SEMA3E: variants seen among roughly 807,000 people sequenced by gnomAD.
The protein encoded by SEMA3E is semaphorin 3E, also known as semaphorin-3E.
In SEMA3E, 49 loss-of-function variants were observed where a neutral mutation model predicts 93.6. The ratio of observed to expected loss-of-function variants is 0.52; its 90% CI spans 0.42 to 0.66. The LOEUF (loss-of-function observed/expected upper bound fraction) is 0.66. SEMA3E is among the 30% of genes least tolerant of loss of function. SEMA3E has a pLI of 0.00. For synonymous variants in SEMA3E, 363 were observed against 330.7 expected (o/e 1.10, Z -1.06); for missense variants, 906 against 964.8 (o/e 0.94, Z 0.81).
At chr7:83,452,149 CTGTG>C (rs993112369) in intron 4 of SEMA3E, among the ~76,000 whole-genome samples, 13 of 145,292 alleles carry the variant, frequency 8.9e-5, no homozygotes, top group African/African-American at 3.0e-4. Flanking sequence ...GTGTGTGTGT[CTGTG>C]TGTGTGTGTA....
chr7:83,392,676 A>G lies in SEMA3E; in HGVS notation c.1546T>C (p.Phe516Leu), dbSNP rs533031128. ...CTTCCATACATGTCACAGTGATGGA[A>G]TCTGACTTGAGCCACAGCAGAAGCA... is the stretch of plus-strand genomic sequence containing the variant. ...GSASAVAQVR[F>L]HHCDMYGSAC... Residue 516 changes from phenylalanine (F) to leucine (L), a missense_variant, in exon 14 of 17, where the codon TTC (phenylalanine) becomes CTC (leucine). Transcript: ENST00000643230. The G allele has an allele frequency of 6.2e-7, 1 of 1,613,908 alleles. No individual in the cohort carries two copies. Among genetic ancestry groups the G allele is most frequent in the Admixed American group, 1.7e-5 (1 of 59,980 alleles).
chr7:83,581,255 T>C (rs1382634234), intron 1 of SEMA3E, among the ~76,000 whole-genome samples: 1 of 152,036 alleles, frequency 6.6e-6, no homozygotes, highest in African/African-American at 2.4e-5. Context: ...CCTTTGTGTA[T>C]CATTCCATCA....
At chr7:83,424,142 C>A (rs1213349144) in intron 4 of SEMA3E, among the ~76,000 whole-genome samples, 1 of 151,884 alleles carries the variant, frequency 6.6e-6, no homozygotes, top group African/African-American at 2.4e-5. Context: ...GTTAATAATG[C>A]CCCAGGAGTC....
chr7:83,563,049 A>T (rs1165265205), intron 1 of SEMA3E, among the ~76,000 whole-genome samples: 1 of 152,092 alleles, frequency 6.6e-6, no homozygotes, highest in Non-Finnish European at 1.5e-5. Flanking sequence ...CATTCACTTC[A>T]TTGTTCCAGT....
At chr7:83,481,028 C>T (rs759647142) in intron 2 of SEMA3E, among the ~76,000 whole-genome samples, 1 of 151,898 alleles carries the variant, frequency 6.6e-6, no homozygotes, top group Non-Finnish European at 1.5e-5. Flanking sequence ...TTAATGAGGA[C>T]TCTTTTAATA....
At chr7:83,387,896 T>G (rs1055266153) in intron 14 of SEMA3E, among the ~76,000 whole-genome samples, 2 of 146,776 alleles carry the variant, frequency 1.4e-5, no homozygotes, top group Non-Finnish European at 3.0e-5. Flanking sequence ...ATATATAACA[T>G]TATATATATA....
intron 1 of SEMA3E, among the ~76,000 whole-genome samples, chr7:83,591,641 A>AT (rs1051224328): frequency 4.6e-5 from 7 of 152,010 alleles, no homozygotes; most frequent in Non-Finnish European, 1.0e-4. Flanking sequence ...TAAAACTGCC[A>AT]TTTTTTGTAG....
At chr7:83,531,844 G>A (rs1698086432) in intron 1 of SEMA3E, among the ~76,000 whole-genome samples, 1 of 152,152 alleles carries the variant, frequency 6.6e-6, no homozygotes, top group African/African-American at 2.4e-5. Context: ...ATTATGGAGT[G>A]AAGATTTGTA....
intron 9 of SEMA3E, among the ~76,000 whole-genome samples, chr7:83,403,047 TTG>T (rs1333200092): frequency 6.6e-6 from 1 of 151,960 alleles, no homozygotes; most frequent in Non-Finnish European, 1.5e-5. Flanking sequence ...TTTTTAAACC[TTG>T]TGTTTTTATA....
At chr7:83,549,241 T>A (rs942851565) in intron 1 of SEMA3E, among the ~76,000 whole-genome samples, 11 of 152,242 alleles carry the variant, frequency 7.2e-5, no homozygotes, top group Admixed American at 3.3e-4. Flanking sequence ...TTTAACATGT[T>A]ATCTCATTTA....
At chr7:83,444,457 A>C (rs1412939401) in intron 4 of SEMA3E, among the ~76,000 whole-genome samples, 5 of 152,142 alleles carry the variant, frequency 3.3e-5, no homozygotes, top group African/African-American at 1.2e-4. Flanking sequence ...TACTTTAGGG[A>C]TAAATGTCCA....
chr7:83,386,202 C>T (rs940565098), intron 15 of SEMA3E, among the ~76,000 whole-genome samples: 8 of 152,072 alleles, frequency 5.3e-5, no homozygotes, highest in Non-Finnish European at 1.2e-4. Flanking sequence ...CTAGTATTCC[C>T]AGAGGCTTGA....
chr7:83,389,951 T>TGCGTATA (rs56160463), intron 14 of SEMA3E, among the ~76,000 whole-genome samples: 5 of 40,052 alleles, frequency 1.2e-4, no homozygotes, highest in Non-Finnish European at 3.1e-4. Flanking sequence ...TACACGTATA[T>TGCGTATA]GTGTATAGTG....
intron 1 of SEMA3E, among the ~76,000 whole-genome samples, chr7:83,596,713 G>A (rs909984276): frequency 1.3e-5 from 2 of 151,952 alleles, no homozygotes; most frequent in African/African-American, 2.4e-5. Flanking sequence ...ACTAGACATA[G>A]GATCTCTTTT....
intron 1 of SEMA3E, among the ~76,000 whole-genome samples, chr7:83,524,617 T>A (rs1338290527): frequency 6.6e-6 from 1 of 152,074 alleles, no homozygotes; most frequent in African/African-American, 2.4e-5. Context: ...TAAAAGCTTA[T>A]CCCTGAAAAA....
In SEMA3E at chr7:83,437,040, G is replaced by C. The variant is rs148107105; in HGVS notation, c.457-18557C>G. Among the ~76,000 whole-genome samples the C allele has an allele frequency of 5.3e-5, 8 of 152,232 alleles. No individual in the cohort carries two copies. In the East Asian group the frequency reaches 1.6e-3, roughly 30 times the overall value. ...TTATAATAACCGTCAGATCTCGTGA[G>C]ACTTACTATCATGAGAACAGCATGG... On this transcript the variant is annotated intron_variant, in intron 4 of 16. Coordinates refer to ENST00000643230, the MANE Select transcript of SEMA3E (RefSeq NM_012431.3).
chr7:83,553,875 C>T (rs1791828006), intron 1 of SEMA3E, among the ~76,000 whole-genome samples: 1 of 151,808 alleles, frequency 6.6e-6, no homozygotes. Flanking sequence ...TGTAAATTTC[C>T]AAAAATATGC....
chr7:83,444,321 G>C (rs144799138), intron 4 of SEMA3E, among the ~76,000 whole-genome samples: 1 of 152,282 alleles, frequency 6.6e-6, no homozygotes, highest in African/African-American at 2.4e-5. Context: ...TTGGAGAGTA[G>C]AGTCATGAAG....
At chr7:83,454,611 C>A (rs1030397486) in intron 4 of SEMA3E, among the ~76,000 whole-genome samples, 1 of 150,986 alleles carries the variant, frequency 6.6e-6, no homozygotes, top group Non-Finnish European at 1.5e-5. Flanking sequence ...GTACTATAAG[C>A]AGAAAAAAAA....
Sources: allele counts gnomAD v4.1 joint callset (sites outside exome capture counted in the v4.1 genomes callset), GRCh38; gene constraint gnomAD v4.1.1; transcripts MANE v1.5; gene names NCBI Gene and HGNC (gene_info 2026-07-23, HGNC 2026-07-21).